Variants in SYNE1 observed in about 807,000 individuals in gnomAD.
SYNE1 encodes the protein spectrin repeat containing nuclear envelope protein 1, also known as nesprin-1.
Under a neutral mutation model 1,111.0 loss-of-function variants are expected in SYNE1, and 616 were observed. The ratio of observed to expected loss-of-function variants is 0.55; its 90% confidence interval spans 0.52 to 0.59. The LOEUF is 0.59. Among genes scored for constraint, SYNE1 ranks in the 20% least tolerant of loss-of-function variants. The pLI, the probability that SYNE1 is intolerant of heterozygous loss-of-function variation, is 0.00. For synonymous variants in SYNE1, 3,855 were observed against 3,825.8 expected, an observed-to-expected ratio of 1.01 and a Z score of -0.28; for missense variants, 10,006 against 10,417.0, an observed-to-expected ratio of 0.96 and a Z score of 1.72.
intron 3 of SYNE1, among the ~76,000 whole-genome samples, chr6:152,587,845 A>G (rs1255579201): frequency 4.6e-5 from 7 of 152,194 alleles, no homozygotes; most frequent in Non-Finnish European, 1.0e-4. Flanking sequence ...AATGGTTTTA[A>G]AACCATTGTC....
intron 3 of SYNE1, among the ~76,000 whole-genome samples, chr6:152,586,795 T>C (rs1248599231): frequency 6.6e-6 from 1 of 152,222 alleles, no homozygotes; most frequent in East Asian, 1.9e-4. Flanking sequence ...ATAAATTATA[T>C]TAATATAATT....
chr6:152,328,379 A>ATTTTATTTT (rs879563679), intron 78 of SYNE1, among the ~76,000 whole-genome samples: 67 of 122,206 alleles, frequency 5.5e-4, no homozygotes, highest in African/African-American at 1.8e-3. Flanking sequence ...TTCTTATTTT[A>ATTTTATTTT]TTTTATTTAT....
Position 152,317,234 on chromosome 6 carries a change from C to CT in SYNE1, c.16573-249dup, listed in dbSNP as rs61399339. Among the ~76,000 whole-genome samples, 33,266 of 135,788 alleles carry CT rather than the reference C, an allele frequency of 0.24. 4,928 individuals carry two copies. The highest frequency in any genetic ancestry group is 0.66 in the East Asian group (3,131 of 4,764). The allele number at this position is 135,788 out of a possible 152,430, so 89.1% of individuals were successfully genotyped here. A position where few individuals can be genotyped will look rare whatever the true frequency, so the allele number is the denominator to read the frequency against. The stretch of plus-strand genomic sequence containing the variant: ...TCTTTTTCTTTCTTTTTTCTTTTTT[C>CT]TTTTTTTTTTTTTTCCAAGGTCTTA... On this transcript the variant is annotated intron_variant, in intron 86 of 145. Transcript: ENST00000367255.
At chr6:152,592,065 CT>C (rs1475766676) in intron 3 of SYNE1, among the ~76,000 whole-genome samples, 2 of 152,040 alleles carry the variant, frequency 1.3e-5, no homozygotes, top group African/African-American at 4.8e-5. Flanking sequence ...TTATACACTG[CT>C]GGTAGGAATG....
At chr6:152,577,024 A>T (rs572214550) in intron 3 of SYNE1, among the ~76,000 whole-genome samples, 1 of 152,338 alleles carries the variant, frequency 6.6e-6, no homozygotes, top group African/African-American at 2.4e-5. Context: ...AATTGTTCAT[A>T]TGTTAAGAAG....
At chr6:152,622,732 T>C (rs112567980) in intron 3 of SYNE1, among the ~76,000 whole-genome samples, 6,334 of 152,148 alleles carry the variant, frequency 0.042, 407 homozygotes, top group African/African-American at 0.14. Context: ...AACATATGAG[T>C]GCATGTTTCT....
intron 40 of SYNE1, among the ~76,000 whole-genome samples, chr6:152,417,637 A>G (rs181358883): frequency 1.2e-3 from 179 of 152,328 alleles, no homozygotes; most frequent in East Asian, 1.5e-3. Flanking sequence ...AGATGCTTAC[A>G]TATATTTTAC....
chr6:152,347,295 C>T, intron 72 of SYNE1, 60 bp from the exon 73 acceptor site: 2 of 1,580,272 alleles, frequency 1.3e-6, no homozygotes, highest in Non-Finnish European at 1.7e-6. Flanking sequence ...ACTTATCCAT[C>T]AAAGTTTAAG....
chr6:152,454,154 C>CT (rs2098675696), intron 24 of SYNE1, among the ~76,000 whole-genome samples: 1 of 148,622 alleles, frequency 6.7e-6, no homozygotes, highest in African/African-American at 2.6e-5. Context: ...TCATCATGAG[C>CT]CATTGTCACA....
intron 3 of SYNE1, among the ~76,000 whole-genome samples, chr6:152,581,517 T>C (rs2099519407): frequency 6.6e-6 from 1 of 152,238 alleles, no homozygotes; most frequent in African/African-American, 2.4e-5. Flanking sequence ...AGTTACCATG[T>C]GGTGAGTACT....
chr6:152,554,836 G>C (rs1294509604), intron 3 of SYNE1, among the ~76,000 whole-genome samples: 1 of 152,168 alleles, frequency 6.6e-6, no homozygotes, highest in Non-Finnish European at 1.5e-5. Flanking sequence ...CCAAGTAGTG[G>C]CATGTAGGCA....
At chr6:152,216,829 G>A (rs769827320) in intron 121 of SYNE1, among the ~76,000 whole-genome samples, 2 of 152,212 alleles carry the variant, frequency 1.3e-5, no homozygotes, top group South Asian at 4.1e-4. Flanking sequence ...GCCAAGGAGG[G>A]CGGATCACAA....
chr6:152,474,251 T>C (rs946596647), intron 14 of SYNE1, among the ~76,000 whole-genome samples: 3 of 152,082 alleles, frequency 2.0e-5, no homozygotes, highest in Admixed American at 6.5e-5. Flanking sequence ...CATCTCACTA[T>C]AAAGCAGCTA....
chr6:152,337,072 T>C, intron 75 of SYNE1, 55 bp from the exon 76 acceptor site: 1 of 1,563,868 alleles, frequency 6.4e-7, no homozygotes, highest in South Asian at 1.1e-5. Flanking sequence ...CATTTATGGT[T>C]AATGAATCAG....
rs770862955 is a variant in SYNE1 at position 152,326,550 on chromosome 6, T to C, written c.15039A>G (p.Gln5013=). The C allele has an allele frequency of 6.2e-7, 1 of 1,614,226 alleles. No individual in the cohort carries two copies. Among genetic ancestry groups the C allele is most frequent in the Non-Finnish European group, 8.5e-7 (1 of 1,180,044 alleles). ...CATTGCCTGCCAGCTGTAACAATTC[T>C]TGGGCATCCTCAAGCCAGTCATTGG... ...QAANDWLEDA[Q]ELLQLAGNGL... is the part of the protein sequence containing the mutation. The change falls in exon 79 of 146, where the codon CAA becomes CAG. Residue 5013 remains glutamine (Q), a synonymous_variant. Transcript: ENST00000367255.
chr6:152,174,155 A>G (rs1646375140), intron 130 of SYNE1, among the ~76,000 whole-genome samples: 1 of 152,222 alleles, frequency 6.6e-6, no homozygotes, highest in Non-Finnish European at 1.5e-5. Context: ...GTTTAACTGG[A>G]TTACGTGGAA....
chr6:152,567,280 C>G (rs2099417010), intron 3 of SYNE1, among the ~76,000 whole-genome samples: 1 of 152,124 alleles, frequency 6.6e-6, no homozygotes, highest in Admixed American at 6.6e-5. Flanking sequence ...ATTTCTTCAT[C>G]CATTCATTTG....
intron 33 of SYNE1, 162 bp downstream of exon 33, chr6:152,435,779 A>G: frequency 1.2e-6 from 1 of 858,348 alleles, no homozygotes; most frequent in Non-Finnish European, 1.8e-6. Flanking sequence ...TGGTTTCTGT[A>G]TTAGCGATAC....
chr6:152,455,234 G>T (rs1189665896), intron 24 of SYNE1, among the ~76,000 whole-genome samples, 192 bp downstream of exon 24: 1 of 152,182 alleles, frequency 6.6e-6, no homozygotes. Context: ...CCAATGACAA[G>T]TCAGCTCACC....
Sources: allele counts gnomAD v4.1 joint callset (sites outside exome capture counted in the v4.1 genomes callset), GRCh38; gene constraint gnomAD v4.1.1; transcripts MANE v1.5; gene names NCBI Gene and HGNC (gene_info 2026-07-23, HGNC 2026-07-21).